Variants in NTM observed in about 807,000 individuals in gnomAD.
NTM encodes neurotrimin.
NTM carries 13 observed loss-of-function variants against 42.1 expected under a neutral mutation model. The observed-to-expected ratio is 0.31, with a 90% CI of 0.20 to 0.49. The LOEUF (loss-of-function observed/expected upper bound fraction) is 0.49, where lower values mean the gene tolerates loss of function less well. Among genes scored for constraint, NTM ranks in the 20% least tolerant of loss-of-function variants. NTM has a pLI of 0.99. For synonymous variants in NTM, 187 were observed against 179.2 expected, an observed-to-expected ratio of 1.04 and a Z score of -0.35; for missense variants, 373 against 452.8, an observed-to-expected ratio of 0.82 and a Z score of 1.60.
chr11:131,985,624 G>A (rs1467816789), intron 2 of NTM, among the ~76,000 whole-genome samples: 1 of 152,110 alleles, frequency 6.6e-6, no homozygotes, highest in African/African-American at 2.4e-5. Flanking sequence ...CATCTTCCTG[G>A]GGTAAGGGGA....
At chr11:131,735,835 GGTGTGTGTGTGTGTGTGTGTGTGTGTGT>G (rs398018112) in intron 1 of NTM, among the ~76,000 whole-genome samples, 9 of 121,298 alleles carry the variant, frequency 7.4e-5, no homozygotes, top group Non-Finnish European at 3.8e-5. Flanking sequence ...CCATTCATAA[GGTGTGTGTGTGTGTGTGTGTGTGTGTGT>G]GTGTGTGTGT....
At chr11:131,813,094 G>C (rs2092805167) in intron 1 of NTM, among the ~76,000 whole-genome samples, 2 of 152,166 alleles carry the variant, frequency 1.3e-5, no homozygotes, top group Non-Finnish European at 2.9e-5. Context: ...AAGTTATGTT[G>C]ACAATCACAA....
chr11:132,065,993 G>A (rs995577429), intron 2 of NTM, among the ~76,000 whole-genome samples: 3 of 152,080 alleles, frequency 2.0e-5, no homozygotes, highest in Admixed American at 6.6e-5. Context: ...ATGTAAATTG[G>A]GGTTGTGGGG....
At chr11:132,329,249 G>A (rs1034335689) in intron 7 of NTM, among the ~76,000 whole-genome samples, 52 of 152,270 alleles carry the variant, frequency 3.4e-4, no homozygotes, top group African/African-American at 2.4e-4. Flanking sequence ...GCCATTTTCC[G>A]TCCTCTCTGT....
chr11:132,237,550 C>T (rs989828797), intron 4 of NTM, among the ~76,000 whole-genome samples: 35 of 152,134 alleles, frequency 2.3e-4, no homozygotes, highest in Middle Eastern at 3.2e-3. Flanking sequence ...GTTTTCAGCC[C>T]GTTTGTGGAC....
intron 1 of NTM, among the ~76,000 whole-genome samples, chr11:131,446,501 T>C (rs1257644589): frequency 6.6e-6 from 1 of 152,174 alleles, no homozygotes; most frequent in Non-Finnish European, 1.5e-5. Context: ...TAAACAGTAC[T>C]AGTTAGAACA....
In NTM at chr11:132,217,174, A is replaced by G. The variant is rs2084020103; in HGVS notation, c.526+5027A>G. 1.3e-5 allele frequency among the ~76,000 whole-genome samples: 2 copies of G among 152,146 alleles called. 1 individual carries two copies. On this transcript the variant is annotated intron_variant, in intron 4 of 8. Transcript: ENST00000683400. Reference sequence around the variant, plus strand: ...GTGTCTAAACCCCGGATGACTCCCAACCACTATTTCCTAAGGCAATCCCGA... The same window carrying G: ...GTGTCTAAACCCCGGATGACTCCCAGCCACTATTTCCTAAGGCAATCCCGA...
chr11:132,035,784 G>A (rs1444013482), intron 2 of NTM, among the ~76,000 whole-genome samples: 1 of 152,088 alleles, frequency 6.6e-6, no homozygotes, highest in Non-Finnish European at 1.5e-5. Flanking sequence ...ATGCTGGCTG[G>A]GTAATGGATG....
At chr11:131,719,940 C>CAGCAA (rs1208172762) in intron 1 of NTM, among the ~76,000 whole-genome samples, 1 of 152,186 alleles carries the variant, frequency 6.6e-6, no homozygotes, top group African/African-American at 2.4e-5. Context: ...GTGTCATTCT[C>CAGCAA]ACACTGATGT....
At chr11:132,104,937 G>GTATGTATATATATA (rs1555263301) in intron 2 of NTM, among the ~76,000 whole-genome samples, 1 of 61,826 alleles carries the variant, frequency 1.6e-5, no homozygotes, top group African/African-American at 6.1e-5. Context: ...ATATACATAT[G>GTATGTATATATATA]TATATATATA....
chr11:131,916,642 T>C (rs1399305218), intron 2 of NTM, among the ~76,000 whole-genome samples: 1 of 152,158 alleles, frequency 6.6e-6, no homozygotes, highest in Non-Finnish European at 1.5e-5. Flanking sequence ...TGTAAGGTGC[T>C]TGGAGTTTCA....
chr11:131,735,705 C>A (rs963667725), intron 1 of NTM, among the ~76,000 whole-genome samples: 3 of 152,288 alleles, frequency 2.0e-5, no homozygotes, highest in African/African-American at 4.8e-5. Context: ...TGCTTCCATG[C>A]CCCTTAGCTC....
At position 131,434,676 on chromosome 11, in the gene NTM, A is replaced by G. The variant is rs191572346; in HGVS notation, c.82+63788A>G. ...GTAAATTTGTTTAAGTTCTTTGTAG[A>G]TTCTGGATATTAGCCCTTTGTCAGA... is the stretch of plus-strand genomic sequence containing the variant. On this transcript the variant is annotated intron_variant, in intron 1 of 8. Coordinates refer to ENST00000683400, the MANE Select transcript of NTM (RefSeq NM_001352005.2). 2.1e-3 allele frequency among the ~76,000 whole-genome samples: 320 copies of G among 152,248 alleles called. 2 individuals carry two copies. Among genetic ancestry groups the G allele is most frequent in the African/African-American group, 7.5e-3 (310 of 41,548 alleles).
chr11:131,993,857 G>A (rs2067465323), intron 2 of NTM, among the ~76,000 whole-genome samples: 1 of 151,886 alleles, frequency 6.6e-6, no homozygotes, highest in Non-Finnish European at 1.5e-5. Flanking sequence ...CAAAAAATTA[G>A]CTGGGTGCGG....
chr11:131,636,526 T>C (rs1173809503), intron 1 of NTM, among the ~76,000 whole-genome samples: 1 of 152,196 alleles, frequency 6.6e-6, no homozygotes, highest in African/African-American at 2.4e-5. Flanking sequence ...GAGGGTCAAC[T>C]GAACTCCAGT....
At chr11:132,081,848 G>A (rs1245124019) in intron 2 of NTM, among the ~76,000 whole-genome samples, 1 of 151,066 alleles carries the variant, frequency 6.6e-6, no homozygotes, top group Non-Finnish European at 1.5e-5. Context: ...AGGATCACTT[G>A]AGCCTAGGAG....
chr11:131,655,713 T>C (rs1043594644), intron 1 of NTM, among the ~76,000 whole-genome samples: 6 of 152,326 alleles, frequency 3.9e-5, no homozygotes, highest in African/African-American at 7.2e-5. Flanking sequence ...TAGCACATTG[T>C]TCGATCTGAC....
intron 1 of NTM, among the ~76,000 whole-genome samples, chr11:131,592,587 C>T (rs945483635): frequency 2.0e-5 from 3 of 150,326 alleles, no homozygotes; most frequent in Non-Finnish European, 4.4e-5. Flanking sequence ...CAAACAACCA[C>T]GACCTGAAAT....
At chr11:132,129,979 C>T (rs1383793827) in intron 2 of NTM, among the ~76,000 whole-genome samples, 1 of 152,234 alleles carries the variant, frequency 6.6e-6, no homozygotes, top group Non-Finnish European at 1.5e-5. Context: ...GACTTTACAG[C>T]CTTCCTCTTT....
Sources: allele counts gnomAD v4.1 joint callset (sites outside exome capture counted in the v4.1 genomes callset), GRCh38; gene constraint gnomAD v4.1.1; transcripts MANE v1.5; gene names NCBI Gene and HGNC (gene_info 2026-07-23, HGNC 2026-07-21).